Variants in CLCC1 observed in about 807,000 individuals in gnomAD.
CLCC1 encodes chloride channel CLIC like 1.
CLCC1 carries 39 observed loss-of-function variants against 63.3 expected under a neutral mutation model. The ratio of observed to expected loss-of-function variants is 0.62; its 90% CI spans 0.48 to 0.81. CLCC1 has a LOEUF of 0.81. Ranked by LOEUF, CLCC1 falls within the 30% of genes least tolerant of loss-of-function variation. The pLI, the probability that CLCC1 is intolerant of heterozygous loss-of-function variation, is 0.00. For synonymous variants in CLCC1, 217 were observed against 239.8 expected (o/e 0.90, Z 0.88); for missense variants, 549 against 669.4 (o/e 0.82, Z 1.98).
In CLCC1 at chr1:108,962,360, G is replaced by A. The variant is rs987339492; in HGVS notation, c.-63C>T. ...TTAGACTAGAAGTACCAGGGTATAA[G>A]TCGGGAGGCTGCAACTTATTTCGTA... On this transcript the variant is annotated 5_prime_UTR_variant, in exon 2 of 13. Coordinates refer to ENST00000369969, the MANE Select transcript of CLCC1 (RefSeq NM_001377458.1). 1 of 152,190 alleles carries A rather than the reference G, an allele frequency of 6.6e-6. No individual in the cohort carries two copies. Among genetic ancestry groups the A allele is most frequent in the Non-Finnish European group, 1.5e-5 (1 of 68,032 alleles). 9.4% of individuals were successfully genotyped at this position (152,190 alleles called of 1,614,324 possible).
At position 108,931,236 on chromosome 1, in the gene CLCC1, C is replaced by G. The variant is rs773286264; in HGVS notation, c.*1311G>C. 5.8e-6 allele frequency: 8 copies of G among 1,390,122 alleles called. No homozygotes were observed. Among genetic ancestry groups the G allele is most frequent in the Non-Finnish European group, 7.6e-6 (8 of 1,050,704 alleles). The allele number at this position is 1,390,122 out of a possible 1,614,324, so 86.1% of individuals were successfully genotyped here. Reference sequence around the variant, plus strand: ...TAAACAAACAGAAAACAGATGAAAACTCACAAAAATTAAATATGAAAGAAA... The same window carrying G: ...TAAACAAACAGAAAACAGATGAAAAGTCACAAAAATTAAATATGAAAGAAA... On this transcript the variant is annotated 3_prime_UTR_variant, in exon 13 of 13. Transcript: ENST00000369969.
intron 2 of CLCC1, among the ~76,000 whole-genome samples, chr1:108,951,952 CT>C (rs149722532): frequency 0.014 from 2,117 of 151,654 alleles, 55 homozygotes; most frequent in African/African-American, 0.047. Context: ...AATTAATTAA[CT>C]TTTTTGTAGA....
intron 2 of CLCC1, among the ~76,000 whole-genome samples, chr1:108,959,129 A>AC (rs755640229): frequency 4.6e-5 from 7 of 152,306 alleles, no homozygotes; most frequent in Non-Finnish European, 8.8e-5. Flanking sequence ...AGCCGAGATC[A>AC]CGCCATTGCA....
intron 5 of CLCC1, among the ~76,000 whole-genome samples, chr1:108,946,785 A>C (rs549699149): frequency 5.4e-4 from 83 of 152,306 alleles, no homozygotes; most frequent in African/African-American, 1.9e-3. Flanking sequence ...TGATGTTTTC[A>C]CTTTGGTAAG....
chr1:108,937,130 C>A lies in CLCC1; in HGVS notation c.1330G>T (p.Ala444Ser). ...TGNKSPEVLR[A>S]FDVPDAEARE... ...GCCTCTGCGTCTGGTACATCAAATGCCCGGAGCACTTCAGGGCTCTTGTTG... is the reference window on the plus strand; with the variant it reads ...GCCTCTGCGTCTGGTACATCAAATGACCGGAGCACTTCAGGGCTCTTGTTG... Residue 444 changes from alanine to serine, a missense_variant, in exon 11 of 13, where the codon GCA becomes TCA. Transcript: ENST00000369969. 1 of 1,540,418 alleles carries A rather than the reference C, an allele frequency of 6.5e-7. No individual in the cohort carries two copies. The highest frequency in any genetic ancestry group is 1.4e-5 in the African/African-American group (1 of 72,484).
In CLCC1 at chr1:108,943,910, T is replaced by G; in HGVS notation, c.487A>C (p.Lys163Gln). ...DALSDILINFKFHDFETWKWR... is the reference protein window; with the variant it reads ...DALSDILINFQFHDFETWKWR... Reference sequence around the variant, plus strand: ...TTCCATGTTTCAAAATCATGAAACTTAAAATTAATTAAAATATCACTTAGT... The same window carrying G: ...TTCCATGTTTCAAAATCATGAAACTGAAAATTAATTAAAATATCACTTAGT... The change falls in exon 6 of 13, where the codon AAG (lysine) becomes CAG (glutamine). Residue 163 changes from lysine to glutamine, a missense_variant. Physicochemically the swap from Lys to Gln is moderately conservative, Grantham distance 53. Transcript: ENST00000369969. 6.2e-7 allele frequency: 1 copy of G among 1,613,760 alleles called. No homozygotes were observed. Among genetic ancestry groups the G allele is most frequent in the Admixed American group, 1.7e-5 (1 of 60,014 alleles).
At chr1:108,942,300 T>C (rs956004129) in intron 7 of CLCC1, among the ~76,000 whole-genome samples, 1 of 152,202 alleles carries the variant, frequency 6.6e-6, no homozygotes, top group Admixed American at 6.5e-5. Context: ...TACTTCTTAT[T>C]TTCTTTTATA....
chr1:108,951,754 T>C (rs898058895), intron 2 of CLCC1, among the ~76,000 whole-genome samples: 1 of 148,964 alleles, frequency 6.7e-6, no homozygotes, highest in Non-Finnish European at 1.5e-5. Context: ...CCCAAAACCG[T>C]TGAATTGTAT....
At chr1:108,948,653 A>G (rs530202898) in intron 4 of CLCC1, among the ~76,000 whole-genome samples, 2 of 146,352 alleles carry the variant, frequency 1.4e-5, no homozygotes, top group East Asian at 4.1e-4. Flanking sequence ...AACTTAGGAA[A>G]AAAAAAAAAA....
chr1:108,944,005 CTT>C lies in CLCC1; in HGVS notation c.390_391del (p.Glu132AsnfsTer21), dbSNP rs1206872811. 1 of 1,613,298 alleles carries C rather than the reference CTT, an allele frequency of 6.2e-7. No homozygotes were observed. Among genetic ancestry groups the C allele is most frequent in the East Asian group, 2.2e-5 (1 of 44,878 alleles). On this transcript the variant is annotated frameshift_variant, in exon 6 of 13. Transcript: ENST00000369969. LOFTEE classifies it high-confidence loss of function. ...CTTCTGTATTTCTAACAAAGTTTCTCTTTTAAGGATAATCTCAGCATCATAAT... is the reference window on the plus strand; with the variant it reads ...CTTCTGTATTTCTAACAAAGTTTCTCTTAAGGATAATCTCAGCATCATAAT...
intron 2 of CLCC1, among the ~76,000 whole-genome samples, chr1:108,950,850 G>A (rs554570598): frequency 1.9e-4 from 29 of 152,006 alleles, no homozygotes; most frequent in African/African-American, 6.5e-4. Flanking sequence ...TCCTTCTAGA[G>A]TTAAGATAAC....
intron 2 of CLCC1, among the ~76,000 whole-genome samples, chr1:108,958,648 G>A (rs1656231464): frequency 6.6e-6 from 1 of 151,218 alleles, no homozygotes; most frequent in Non-Finnish European, 1.5e-5. Context: ...GGGAGGCCCA[G>A]CAGGCGGATC....
At chr1:108,957,828 C>T (rs1238365771) in intron 2 of CLCC1, among the ~76,000 whole-genome samples, 1 of 151,248 alleles carries the variant, frequency 6.6e-6, no homozygotes, top group Non-Finnish European at 1.5e-5. Context: ...CATTTGAGAA[C>T]GATCAGAATG....
rs1553218438 is a variant in CLCC1 at position 108,930,446 on chromosome 1, A to G, written c.*2101T>C. On this transcript the variant is annotated 3_prime_UTR_variant, in exon 13 of 13. Transcript: ENST00000369969. ...CATGAAAATCTGTTTTTTTAGGCCAAAGTCAGTATAAAAGAAACTCTACTT... is the reference window on the plus strand; with the variant it reads ...CATGAAAATCTGTTTTTTTAGGCCAGAGTCAGTATAAAAGAAACTCTACTT... 6.5e-6 allele frequency: 1 copy of G among 154,290 alleles called. No homozygotes were observed. The highest frequency in any genetic ancestry group is 1.4e-5 in the Non-Finnish European group (1 of 69,604). The allele number at this position is 154,290 out of a possible 1,614,324, so 9.6% of individuals were successfully genotyped here.
intron 5 of CLCC1, among the ~76,000 whole-genome samples, chr1:108,946,573 T>G (rs777012958): frequency 3.9e-5 from 6 of 152,214 alleles, no homozygotes. Context: ...CAGCCTACAC[T>G]GTGCTGATGC....
chr1:108,945,650 A>C (rs1571042148), intron 5 of CLCC1, among the ~76,000 whole-genome samples: 1 of 152,306 alleles, frequency 6.6e-6, no homozygotes, highest in South Asian at 2.1e-4. Flanking sequence ...TCACTGCATG[A>C]CTTTTCATTT....
At chr1:108,943,810 T>G in intron 6 of CLCC1, 26 bp downstream of exon 6, 1 of 1,543,670 alleles carries the variant, frequency 6.5e-7, no homozygotes, top group South Asian at 1.2e-5. Context: ...CTTAATGACG[T>G]TGCCCTTGCC....
chr1:108,931,337 A>ATGAT lies in CLCC1; in HGVS notation c.*1206_*1209dup, dbSNP rs1252714608. 32 of 1,550,656 alleles carry ATGAT rather than the reference A, an allele frequency of 2.1e-5. No homozygotes were observed. In the East Asian group the frequency reaches 6.8e-4, roughly 33 times the overall value. On this transcript the variant is annotated 3_prime_UTR_variant, in exon 13 of 13. Coordinates refer to ENST00000369969, the MANE Select transcript of CLCC1 (RefSeq NM_001377458.1). ...GATATTGAAGGCAGTTTACAAGGGG[A>ATGAT]TGATAACAAAGTAACTAACTAACTG...
intron 2 of CLCC1, among the ~76,000 whole-genome samples, chr1:108,955,269 C>T (rs946043260): frequency 2.6e-5 from 4 of 151,392 alleles, no homozygotes; most frequent in African/African-American, 9.8e-5. Flanking sequence ...ACATGTAACT[C>T]AAGATAGTGA....
Sources: allele counts gnomAD v4.1 joint callset (sites outside exome capture counted in the v4.1 genomes callset), GRCh38; gene constraint gnomAD v4.1.1; transcripts MANE v1.5; gene names NCBI Gene and HGNC (gene_info 2026-07-23, HGNC 2026-07-21).